The following GRIK4 variants were observed in gnomAD, a reference collection of about 807,000 sequenced individuals.
GRIK4 encodes glutamate receptor ionotropic, kainate 4.
GRIK4 carries 40 observed loss-of-function variants against 104.9 expected under a neutral mutation model. The ratio of observed to expected loss-of-function variants is 0.38; its 90% CI spans 0.30 to 0.50. The LOEUF (loss-of-function observed/expected upper bound fraction) is 0.50. GRIK4 is among the 20% of genes least tolerant of loss of function. GRIK4 has a pLI of 0.93. For synonymous variants in GRIK4, 485 were observed against 524.9 expected (o/e 0.92, Z 1.04); for missense variants, 1,047 against 1,308.1 (o/e 0.80, Z 3.08).
At chr11:120,960,811 T>C (rs493678) in intron 16 of GRIK4, 98 bp from the exon 17 acceptor site, 608,533 of 854,572 alleles carry the variant, frequency 0.71, 223,308 homozygotes, top group East Asian at 1. Context: ...ATAAGAAAGA[T>C]GCCTGGTCTC....
intron 19 of GRIK4, among the ~76,000 whole-genome samples, chr11:120,973,879 AC>A (rs1944516688): frequency 6.6e-6 from 1 of 151,288 alleles, no homozygotes; most frequent in African/African-American, 2.4e-5. Context: ...GAAAAACACG[AC>A]CAACATGACC....
intron 1 of GRIK4, among the ~76,000 whole-genome samples, chr11:120,606,641 T>C (rs1375007771): frequency 6.6e-6 from 1 of 152,196 alleles, no homozygotes; most frequent in Non-Finnish European, 1.5e-5. Flanking sequence ...GATGGAAAGC[T>C]GTTGTGCATG....
chr11:120,728,356 T>C (rs187242566), intron 3 of GRIK4, among the ~76,000 whole-genome samples: 12 of 152,318 alleles, frequency 7.9e-5, no homozygotes, highest in Non-Finnish European at 1.3e-4. Flanking sequence ...CACACACTTA[T>C]ATTAACGTAA....
intron 3 of GRIK4, among the ~76,000 whole-genome samples, chr11:120,690,505 C>T (rs923095675): frequency 6.6e-6 from 1 of 152,266 alleles, no homozygotes; most frequent in Non-Finnish European, 1.5e-5. Flanking sequence ...GCGCCAATCT[C>T]TTTTTATTCT....
chr11:120,654,049 G>A (rs1327257837), intron 2 of GRIK4, among the ~76,000 whole-genome samples: 1 of 152,190 alleles, frequency 6.6e-6, no homozygotes, highest in African/African-American at 2.4e-5. Flanking sequence ...ACGGGAATGA[G>A]GCCCAGCTCT....
intron 9 of GRIK4, chr11:120,871,924 G>A (rs752888574): frequency 2.2e-6 from 1 of 456,250 alleles, no homozygotes; most frequent in South Asian, 1.5e-5. Flanking sequence ...CTTTTAAAGA[G>A]ATTATCCAGA....
chr11:120,532,372 C>T (rs1431383658), intron 1 of GRIK4, among the ~76,000 whole-genome samples: 3 of 152,110 alleles, frequency 2.0e-5, no homozygotes, highest in Non-Finnish European at 4.4e-5. Context: ...GTCGGGTGGC[C>T]CTGTGGTATT....
intron 3 of GRIK4, among the ~76,000 whole-genome samples, chr11:120,770,456 C>T (rs1302869877): frequency 6.6e-6 from 1 of 152,208 alleles, no homozygotes; most frequent in East Asian, 1.9e-4. Context: ...GTATCAGGCC[C>T]TGTCTCTTCT....
chr11:120,718,439 G>A (rs1056894586), intron 3 of GRIK4, among the ~76,000 whole-genome samples: 1 of 152,194 alleles, frequency 6.6e-6, no homozygotes, highest in Non-Finnish European at 1.5e-5. Flanking sequence ...TTAGGCAGCC[G>A]CAAGTGGATT....
chr11:120,876,225 CA>C (rs1345391073), intron 11 of GRIK4, among the ~76,000 whole-genome samples: 2 of 147,202 alleles, frequency 1.4e-5, no homozygotes, highest in Admixed American at 1.4e-4. Flanking sequence ...TCATCACCAC[CA>C]CCACGATTAC....
chr11:120,720,572 A>G (rs1482459240), intron 3 of GRIK4, among the ~76,000 whole-genome samples: 2 of 152,182 alleles, frequency 1.3e-5, no homozygotes, highest in African/African-American at 4.8e-5. Flanking sequence ...ACTGAAAGGA[A>G]CTAAGCTTTC....
chr11:120,938,044 A>T (rs530258981), intron 13 of GRIK4, among the ~76,000 whole-genome samples: 1 of 152,150 alleles, frequency 6.6e-6, no homozygotes, highest in South Asian at 2.1e-4. Flanking sequence ...AATTTTTCTA[A>T]TCTTGCCATC....
intron 3 of GRIK4, among the ~76,000 whole-genome samples, chr11:120,780,532 C>T (rs114074850): frequency 0.012 from 1,805 of 152,214 alleles, 44 homozygotes; most frequent in African/African-American, 0.04. Context: ...CATTTGTGGC[C>T]GGACACTTGG....
intron 3 of GRIK4, among the ~76,000 whole-genome samples, chr11:120,733,377 T>C (rs56006545): frequency 2.6e-4 from 30 of 114,760 alleles, no homozygotes; most frequent in South Asian, 5.9e-4. Context: ...TTTTCTGTTT[T>C]TTTTTGTGAT....
At chr11:120,545,774 G>A (rs531894237) in intron 1 of GRIK4, among the ~76,000 whole-genome samples, 73 of 152,298 alleles carry the variant, frequency 4.8e-4, no homozygotes, top group African/African-American at 1.4e-3. Flanking sequence ...TGGTCAGGTA[G>A]GGAGCACCAG....
At chr11:120,923,946 G>A in intron 13 of GRIK4, among the ~76,000 whole-genome samples, 1 of 152,124 alleles carries the variant, frequency 6.6e-6, no homozygotes. Flanking sequence ...TTGAATCTAG[G>A]ACAGACTGGT....
At chr11:120,864,865 C>T (rs1592004155) in intron 9 of GRIK4, among the ~76,000 whole-genome samples, 1 of 152,132 alleles carries the variant, frequency 6.6e-6, no homozygotes, top group East Asian at 1.9e-4. Context: ...AGGCCACTGG[C>T]CTTGGAGTCA....
chr11:120,610,125 G>A (rs1591736423), intron 1 of GRIK4, among the ~76,000 whole-genome samples: 1 of 152,060 alleles, frequency 6.6e-6, no homozygotes, highest in Non-Finnish European at 1.5e-5. Context: ...GGCGATGCTC[G>A]GAGCAGGAGT....
At chr11:120,828,903 T>C (rs1953346093) in intron 6 of GRIK4, among the ~76,000 whole-genome samples, 1 of 152,134 alleles carries the variant, frequency 6.6e-6, no homozygotes, top group Non-Finnish European at 1.5e-5. Context: ...GGGCTCTCTT[T>C]CCCTGGGAGT....
Sources: allele counts gnomAD v4.1 joint callset (sites outside exome capture counted in the v4.1 genomes callset), GRCh38; gene constraint gnomAD v4.1.1; transcripts MANE v1.5; gene names NCBI Gene and HGNC (gene_info 2026-07-23, HGNC 2026-07-21).